MAP3K5: variants seen among roughly 807,000 people sequenced by gnomAD.
The protein encoded by MAP3K5 is mitogen-activated protein kinase kinase kinase 5, also known as ASK-1.
Under a neutral mutation model 158.7 loss-of-function variants are expected in MAP3K5, and 56 were observed. The ratio of observed to expected loss-of-function variants is 0.35; its 90% CI spans 0.28 to 0.44. MAP3K5 has a LOEUF of 0.44. Ranked by LOEUF, MAP3K5 falls within the 20% of genes least tolerant of loss-of-function variation. The pLI is 1.00. For synonymous variants in MAP3K5, 579 were observed against 601.7 expected (o/e 0.96, Z 0.55); for missense variants, 1,294 against 1,674.8 (o/e 0.77, Z 3.97).
intron 1 of MAP3K5, among the ~76,000 whole-genome samples, chr6:136,754,895 A>C (rs1783404404): frequency 6.6e-6 from 1 of 152,082 alleles, no homozygotes; most frequent in Admixed American, 6.5e-5. Context: ...GATGCTTCAG[A>C]TGTTGGGGAA....
chr6:136,605,064 A>T, intron 19 of MAP3K5, 145 bp downstream of exon 19: 1 of 746,378 alleles, frequency 1.3e-6, no homozygotes, highest in Non-Finnish European at 2.1e-6. Flanking sequence ...GTTCTAACCG[A>T]GAGAGAATCT....
At chr6:136,612,294 T>C (rs964961112) in intron 17 of MAP3K5, among the ~76,000 whole-genome samples, 2 of 152,268 alleles carry the variant, frequency 1.3e-5, no homozygotes, top group African/African-American at 4.8e-5. Context: ...GTGGGCAACA[T>C]GAACTCATTG....
chr6:136,708,910 C>G (rs565308504), intron 2 of MAP3K5, among the ~76,000 whole-genome samples: 2 of 152,228 alleles, frequency 1.3e-5, no homozygotes, highest in African/African-American at 4.8e-5. Flanking sequence ...CTTCTCTCTT[C>G]CCCTCTGAGT....
chr6:136,694,180 T>TA lies in MAP3K5; in HGVS notation c.1212dup (p.Asn405Ter). 6.2e-7 allele frequency: 1 copy of TA among 1,613,710 alleles called. No homozygotes were observed. Among genetic ancestry groups the TA allele is most frequent in the Non-Finnish European group, 8.5e-7 (1 of 1,179,878 alleles). ...TCTCTGCTTTCAGTGTCCGTGAAAT[T>TA]AGAGTCCAAAAACATATCTTTGTAG... On this transcript the variant is annotated frameshift_variant, in exon 7 of 30. Transcript: ENST00000359015. LOFTEE classifies it high-confidence loss of function.
At chr6:136,752,664 G>C (rs1260506185) in intron 1 of MAP3K5, among the ~76,000 whole-genome samples, 2 of 152,144 alleles carry the variant, frequency 1.3e-5, no homozygotes, top group South Asian at 2.1e-4. Flanking sequence ...CGCCCTCCTC[G>C]GCCTCCCAGA....
rs1785081960 is a variant in MAP3K5, at chr6:136,791,650, G to C, written c.448+60C>G. On this transcript the variant is annotated intron_variant, in intron 1 of 29. Transcript: ENST00000359015. ...GCCCAGAAAAATGAAATGCCCCGAA[G>C]ACCGCCAGATTAAACGCGGGTCCCG... 32 of 1,559,944 alleles carry C rather than the reference G, an allele frequency of 2.1e-5. No homozygotes were observed. The South Asian group carries it at 3.4e-4, about 16-fold the overall frequency.
intron 6 of MAP3K5, among the ~76,000 whole-genome samples, chr6:136,694,801 CTGAT>C (rs767890594): frequency 6.6e-6 from 1 of 152,172 alleles, no homozygotes. Flanking sequence ...GTGTGACTAA[CTGAT>C]TATCTAAGGA....
At chr6:136,768,137 T>C (rs898380291) in intron 1 of MAP3K5, among the ~76,000 whole-genome samples, 12 of 152,154 alleles carry the variant, frequency 7.9e-5, no homozygotes, top group East Asian at 1.9e-4. Context: ...CTCTGTGACA[T>C]TGAATTGGGC....
At chr6:136,714,323 C>T (rs1781433016) in intron 2 of MAP3K5, among the ~76,000 whole-genome samples, 1 of 152,174 alleles carries the variant, frequency 6.6e-6, no homozygotes, top group Admixed American at 6.5e-5. Context: ...AAAATTTACA[C>T]ATGGACATCA....
chr6:136,747,135 G>A (rs929749031), intron 1 of MAP3K5, among the ~76,000 whole-genome samples: 6 of 152,130 alleles, frequency 3.9e-5, no homozygotes, highest in African/African-American at 1.4e-4. Context: ...TGCCCAGGCT[G>A]GTTTTGAACT....
chr6:136,644,615 C>T (rs906111992), intron 11 of MAP3K5, among the ~76,000 whole-genome samples: 2 of 152,158 alleles, frequency 1.3e-5, no homozygotes, highest in Non-Finnish European at 2.9e-5. Context: ...CTGTCAGCTC[C>T]CTCAGCAACT....
rs376402343 is a variant in MAP3K5, at chr6:136,661,788, G to A, written c.1367-2410C>T. ...ACTCCTGGGCTCAAGCAGTCCTCTCGCCTTGGCCTCCCAAAGTTCTGGGAT... is the reference window on the plus strand; with the variant it reads ...ACTCCTGGGCTCAAGCAGTCCTCTCACCTTGGCCTCCCAAAGTTCTGGGAT... On this transcript the variant is annotated intron_variant, in intron 8 of 29. Transcript: ENST00000359015. 4.7e-4 allele frequency among the ~76,000 whole-genome samples: 72 copies of A among 152,134 alleles called. 3 individuals are homozygous for A. Among genetic ancestry groups the A allele is most frequent in the Admixed American group, 1.4e-3 (22 of 15,276 alleles).
chr6:136,560,950 TATAAAATAAAATAAA>T (rs375236222), intron 28 of MAP3K5, among the ~76,000 whole-genome samples: 48 of 144,774 alleles, frequency 3.3e-4, no homozygotes, highest in Middle Eastern at 3.5e-3. Context: ...TCCAAAAAAA[TATAAAATAAAATAAA>T]ATAAAATAAA....
chr6:136,685,558 G>A (rs1030472790), intron 7 of MAP3K5, among the ~76,000 whole-genome samples: 3 of 152,082 alleles, frequency 2.0e-5, no homozygotes, highest in Non-Finnish European at 4.4e-5. Flanking sequence ...GAAAGAGTTC[G>A]ATGAGCCATT....
At chr6:136,626,302 G>A (rs1777035917) in intron 14 of MAP3K5, among the ~76,000 whole-genome samples, 1 of 152,154 alleles carries the variant, frequency 6.6e-6, no homozygotes, top group South Asian at 2.1e-4. Flanking sequence ...TTCTTCTCTG[G>A]CTCAGGACAG....
chr6:136,647,077 A>C (rs1334962090), intron 11 of MAP3K5, among the ~76,000 whole-genome samples: 1 of 152,162 alleles, frequency 6.6e-6, no homozygotes, highest in East Asian at 1.9e-4. Context: ...TTCCAAATCA[A>C]ATCATCTGTC....
chr6:136,743,644 C>T (rs557138516), intron 1 of MAP3K5, among the ~76,000 whole-genome samples: 1 of 152,214 alleles, frequency 6.6e-6, no homozygotes, highest in South Asian at 2.1e-4. Context: ...TAAAACTAAA[C>T]GTTTATACTA....
intron 1 of MAP3K5, among the ~76,000 whole-genome samples, chr6:136,755,525 A>T (rs1420652590): frequency 6.6e-6 from 1 of 151,674 alleles, no homozygotes; most frequent in Admixed American, 6.6e-5. Context: ...TGGGCAACAT[A>T]GTGAGACTCC....
Position 136,557,965 on chromosome 6 carries a change from A to AT in MAP3K5, c.4065-148dup, listed in dbSNP as rs572117702. On this transcript the variant is annotated intron_variant, in intron 29 of 29. Transcript: ENST00000359015. ...CAGTTATTATGTATTCTTTTTGTAT[A>AT]TTTTTTCTCATCTTCCCTCCATTCC... The AT allele has an allele frequency of 7.6e-4, 465 of 610,894 alleles. 11 individuals are homozygous for AT. In the South Asian group the frequency reaches 7.7e-3, roughly 10 times the overall value. The allele number at this position is 610,894 out of a possible 1,614,324, so 37.8% of individuals were successfully genotyped here.
Sources: gnomAD v4.1 joint callset for allele counts (sites outside exome capture counted in the v4.1 genomes callset) on GRCh38, gnomAD v4.1.1 for gene constraint, MANE v1.5 for transcripts, NCBI Gene and HGNC (gene_info 2026-07-23, HGNC 2026-07-21) for gene names.